The following NTM variants were observed in gnomAD, a reference collection of about 807,000 sequenced individuals.
NTM encodes the protein IgLON family member 2.
NTM carries 13 observed loss-of-function variants against 42.1 expected under a neutral mutation model. The ratio of observed to expected loss-of-function variants is 0.31; its 90% CI spans 0.20 to 0.49. NTM has a LOEUF of 0.49. NTM is among the 20% of genes least tolerant of loss of function. The pLI is 0.99. For missense variants in NTM, 373 were observed against 452.8 expected, an observed-to-expected ratio of 0.82 and a Z score of 1.60; for synonymous variants, 187 against 179.2, an observed-to-expected ratio of 1.04 and a Z score of -0.35.
chr11:131,658,691 C>T lies in NTM; in HGVS notation c.83-252873C>T, dbSNP rs112681223. Reference sequence around the variant, plus strand: ...AGAAGCTTTAAAAGGTGTAAGCGGCCGGACGCGGTGGCTCACGCCTGTAAT... The same window carrying T: ...AGAAGCTTTAAAAGGTGTAAGCGGCTGGACGCGGTGGCTCACGCCTGTAAT... On this transcript the variant is annotated intron_variant, in intron 1 of 8. Transcript: ENST00000683400. 1.5e-3 allele frequency among the ~76,000 whole-genome samples: 230 copies of T among 152,246 alleles called. 2 individuals are homozygous for T. Among genetic ancestry groups the T allele is most frequent in the African/African-American group, 5.1e-3 (211 of 41,526 alleles).
At chr11:131,842,780 G>T (rs1780275624) in intron 1 of NTM, among the ~76,000 whole-genome samples, 1 of 152,146 alleles carries the variant, frequency 6.6e-6, no homozygotes, top group African/African-American at 2.4e-5. Context: ...GGAGGCTGTG[G>T]CTGGCAGATC....
At chr11:131,970,408 G>A (rs1034761537) in intron 2 of NTM, among the ~76,000 whole-genome samples, 1 of 152,198 alleles carries the variant, frequency 6.6e-6, no homozygotes, top group African/African-American at 2.4e-5. Flanking sequence ...TTGGTACTGA[G>A]CTGTCATTCA....
At chr11:132,272,996 A>ATTTTTGTTTTGTTTTTG (rs2093553392) in intron 4 of NTM, among the ~76,000 whole-genome samples, 1 of 151,940 alleles carries the variant, frequency 6.6e-6, no homozygotes, top group Non-Finnish European at 1.5e-5. Context: ...TAGCTTTATG[A>ATTTTTGTTTTGTTTTTG]TTTTTGTTTT....
rs983208100 is a variant in NTM at position 131,727,078 on chromosome 11, C to T, written c.83-184486C>T. Among the ~76,000 whole-genome samples the T allele has an allele frequency of 1.3e-4, 20 of 151,326 alleles. 1 individual carries two copies. Among genetic ancestry groups the T allele is most frequent in the African/African-American group, 4.9e-4 (20 of 40,602 alleles). The stretch of plus-strand genomic sequence containing the variant: ...TACACAGCCAAGTGGAGCAGCTCCT[C>T]TCTGTTGCCTCCTAACACTTCTTCC... On this transcript the variant is annotated intron_variant, in intron 1 of 8. Coordinates refer to ENST00000683400, the MANE Select transcript of NTM (RefSeq NM_001352005.2).
At chr11:131,640,195 T>G (rs947099708) in intron 1 of NTM, among the ~76,000 whole-genome samples, 2 of 152,162 alleles carry the variant, frequency 1.3e-5, no homozygotes, top group Non-Finnish European at 2.9e-5. Context: ...TCAAAGGGTT[T>G]CCTTAAGCCT....
At chr11:131,900,727 T>A (rs1337179368) in intron 1 of NTM, among the ~76,000 whole-genome samples, 3 of 152,170 alleles carry the variant, frequency 2.0e-5, no homozygotes, top group African/African-American at 4.8e-5. Context: ...AGATTAAAAG[T>A]GACTCGATTT....
At chr11:131,614,548 G>C (rs544981395) in intron 1 of NTM, among the ~76,000 whole-genome samples, 1 of 152,342 alleles carries the variant, frequency 6.6e-6, no homozygotes, top group African/African-American at 2.4e-5. Flanking sequence ...AAAGCCCATG[G>C]GGCAGGGGTG....
At chr11:131,911,224 G>A in intron 1 of NTM, 1 of 1,391,114 alleles carries the variant, frequency 7.2e-7, no homozygotes, top group Non-Finnish European at 9.3e-7. Context: ...CCCGGCGGAA[G>A]CAGCGAGGAG....
chr11:131,856,150 G>A (rs2046074614), intron 1 of NTM, among the ~76,000 whole-genome samples: 1 of 123,784 alleles, frequency 8.1e-6, no homozygotes, highest in Admixed American at 9.0e-5. Context: ...TACAGCCACG[G>A]TCTTAGTTTC....
intron 1 of NTM, among the ~76,000 whole-genome samples, chr11:131,449,406 C>T (rs1950312455): frequency 6.6e-6 from 1 of 152,202 alleles, no homozygotes; most frequent in Non-Finnish European, 1.5e-5. Context: ...GTCCAGCTTC[C>T]TCGTTGTGCA....
rs79498867 is a variant in NTM, at chr11:131,520,455, A to G, written c.82+149567A>G. 7.2e-3 allele frequency among the ~76,000 whole-genome samples: 1,091 copies of G among 152,310 alleles called. 12 individuals are homozygous for G. The highest frequency in any genetic ancestry group is 0.025 in the African/African-American group (1,042 of 41,564). ...GGGCGGCATTACACCAAGAAGTTCA[A>G]AGGACTCTGGGAAACAACAAATGTC... On this transcript the variant is annotated intron_variant, in intron 1 of 8. Transcript: ENST00000683400.
chr11:131,478,348 T>C (rs1953181873), intron 1 of NTM, among the ~76,000 whole-genome samples: 1 of 152,190 alleles, frequency 6.6e-6, no homozygotes, highest in African/African-American at 2.4e-5. Flanking sequence ...ACATCAGGAA[T>C]TAACTCTTCT....
chr11:131,844,713 A>G (rs1282554137), intron 1 of NTM, among the ~76,000 whole-genome samples: 2 of 152,098 alleles, frequency 1.3e-5, no homozygotes, highest in Non-Finnish European at 2.9e-5. Flanking sequence ...TTATTCTCAC[A>G]AACTCTATTT....
intron 1 of NTM, among the ~76,000 whole-genome samples, chr11:131,624,171 C>T (rs556631993): frequency 6.6e-6 from 1 of 152,298 alleles, no homozygotes. Flanking sequence ...AAGGGCGATT[C>T]TCTGGCAGGT....
intron 1 of NTM, among the ~76,000 whole-genome samples, chr11:131,374,709 G>A (rs1421039636): frequency 6.6e-6 from 1 of 152,136 alleles, no homozygotes. Flanking sequence ...TTCTTGATGG[G>A]CCAAACAACC....
chr11:132,037,463 A>G lies in NTM; in HGVS notation c.168-108819A>G, dbSNP rs550018073. On this transcript the variant is annotated intron_variant, in intron 2 of 8. Coordinates refer to ENST00000683400, the MANE Select transcript of NTM (RefSeq NM_001352005.2). ...ACTAAATGGACTGAGACACTGGACA[A>G]TAGTCAAATAGGCCAGACAATTGCT... 5.6e-4 allele frequency among the ~76,000 whole-genome samples: 86 copies of G among 152,326 alleles called. 1 individual carries two copies. Among genetic ancestry groups the G allele is most frequent in the African/African-American group, 2.0e-3 (84 of 41,568 alleles).
chr11:131,830,272 G>C (rs1294061720), intron 1 of NTM, among the ~76,000 whole-genome samples: 1 of 151,922 alleles, frequency 6.6e-6, no homozygotes, highest in East Asian at 1.9e-4. Flanking sequence ...GTGTTTCCTG[G>C]GTTTTCTTCT....
intron 1 of NTM, among the ~76,000 whole-genome samples, chr11:131,599,509 T>A (rs1388865109): frequency 6.6e-6 from 1 of 152,260 alleles, no homozygotes; most frequent in African/African-American, 2.4e-5. Flanking sequence ...CAGCACCTTT[T>A]AGACCCTGTT....
At chr11:132,216,182 T>C (rs2083825073) in intron 4 of NTM, among the ~76,000 whole-genome samples, 1 of 152,256 alleles carries the variant, frequency 6.6e-6, no homozygotes, top group African/African-American at 2.4e-5. Context: ...ACTATGTAAA[T>C]AGAAGCATGA....
Sources: allele counts gnomAD v4.1 joint callset (sites outside exome capture counted in the v4.1 genomes callset), GRCh38; gene constraint gnomAD v4.1.1; transcripts MANE v1.5; gene names NCBI Gene and HGNC (gene_info 2026-07-23, HGNC 2026-07-21).